SLC24A2: variants seen among roughly 807,000 people sequenced by gnomAD.
SLC24A2 encodes sodium/potassium/calcium exchanger 2.
A neutral mutation model predicts 62.0 loss-of-function variants in SLC24A2; 36 were observed. The ratio of observed to expected loss-of-function variants is 0.58; its 90% CI spans 0.44 to 0.77. The LOEUF is 0.77. Among genes scored for constraint, SLC24A2 ranks in the 30% least tolerant of loss-of-function variants. SLC24A2 has a pLI of 0.00. For synonymous variants in SLC24A2, 358 were observed against 294.0 expected, an observed-to-expected ratio of 1.22 and a Z score of -2.23; for missense variants, 846 against 817.9, an observed-to-expected ratio of 1.03 and a Z score of -0.42.
At chr9:19,933,642 C>T in the SLC24A2 span, among the ~76,000 whole-genome samples, 1 of 152,174 alleles carries the variant, frequency 6.6e-6, no homozygotes, top group South Asian at 2.1e-4. Context: ...AGAAATAAAA[C>T]ACATGTCTGT....
At chr9:20,272,080 A>T in the SLC24A2 span, among the ~76,000 whole-genome samples, 1 of 152,234 alleles carries the variant, frequency 6.6e-6, no homozygotes, top group African/African-American at 2.4e-5. Flanking sequence ...GCAATGCTTC[A>T]GTCCTAAATA....
chr9:19,529,736 G>C (rs1226903732), intron 8 of SLC24A2, among the ~76,000 whole-genome samples: 3 of 150,274 alleles, frequency 2.0e-5, no homozygotes, highest in Non-Finnish European at 4.4e-5. Context: ...TTTTAAAGTG[G>C]AGTTGGAGAC....
At chr9:19,832,325 T>C in the SLC24A2 span, among the ~76,000 whole-genome samples, 3 of 152,222 alleles carry the variant, frequency 2.0e-5, no homozygotes, top group Non-Finnish European at 2.9e-5. Flanking sequence ...TCAGTGAATG[T>C]TATAGTTCTA....
At chr9:20,206,250 C>G in the SLC24A2 span, among the ~76,000 whole-genome samples, 1 of 152,166 alleles carries the variant, frequency 6.6e-6, no homozygotes, top group Non-Finnish European at 1.5e-5. Context: ...CCCATTTTAA[C>G]TACATAACTG....
chr9:20,044,940 C>T, the SLC24A2 span, among the ~76,000 whole-genome samples: 3,512 of 152,054 alleles, frequency 0.023, 102 homozygotes, highest in African/African-American at 0.074. Context: ...TAAGATTTAT[C>T]TGGTATGTGG....
intron 2 of SLC24A2, among the ~76,000 whole-genome samples, chr9:19,783,661 G>C (rs2118937257): frequency 6.6e-6 from 1 of 152,236 alleles, no homozygotes; most frequent in East Asian, 1.9e-4. Context: ...TATGATAAAG[G>C]CTGTAATTAC....
At chr9:19,615,045 C>T (rs1030920383) in intron 4 of SLC24A2, among the ~76,000 whole-genome samples, 8 of 152,136 alleles carry the variant, frequency 5.3e-5, no homozygotes, top group South Asian at 2.1e-4. Context: ...GATAATAAAA[C>T]GCAAACACTG....
the SLC24A2 span, among the ~76,000 whole-genome samples, chr9:19,842,895 T>A: frequency 6.6e-6 from 1 of 152,174 alleles, no homozygotes; most frequent in African/African-American, 2.4e-5. Context: ...CTATAATAAA[T>A]GATTTTATAC....
chr9:20,206,771 G>C, the SLC24A2 span, among the ~76,000 whole-genome samples: 1 of 151,788 alleles, frequency 6.6e-6, no homozygotes, highest in Non-Finnish European at 1.5e-5. Flanking sequence ...GAGCCACTTC[G>C]CCTGGCCGCT....
chr9:20,155,696 A>G, the SLC24A2 span, among the ~76,000 whole-genome samples: 6 of 151,956 alleles, frequency 3.9e-5, no homozygotes, highest in South Asian at 1.2e-3. Context: ...TATAAAGGGC[A>G]TAATTGAAGC....
the SLC24A2 span, among the ~76,000 whole-genome samples, chr9:20,305,456 C>A: frequency 6.6e-6 from 1 of 152,090 alleles, no homozygotes; most frequent in South Asian, 2.1e-4. Context: ...GACTACCTAT[C>A]TGTTAAAGGC....
chr9:19,510,077 CT>C lies in SLC24A2; in HGVS notation c.*6075del, dbSNP rs1832659694. ...TACAGGCCCAGAGTTTTGGAGTAAT[CT>C]AAAGTGGTGTCTCCCCAATTTTGAG... On this transcript the variant is annotated 3_prime_UTR_variant, in exon 11 of 11. Transcript: ENST00000341998. 2 of 152,096 alleles carry C rather than the reference CT, an allele frequency of 1.3e-5. No homozygotes were observed. The highest frequency in any genetic ancestry group is 2.9e-5 in the Non-Finnish European group (2 of 68,024). 9.4% of individuals were successfully genotyped at this position (152,096 alleles called of 1,614,324 possible).
At chr9:20,164,427 C>T in the SLC24A2 span, among the ~76,000 whole-genome samples, 2 of 152,090 alleles carry the variant, frequency 1.3e-5, no homozygotes, top group Non-Finnish European at 1.5e-5. Context: ...ATCAAAACCA[C>T]GATGAGATAC....
intron 2 of SLC24A2, among the ~76,000 whole-genome samples, chr9:19,695,959 GGTCCCC>G: frequency 6.6e-6 from 1 of 152,140 alleles, no homozygotes; most frequent in African/African-American, 2.4e-5. Context: ...TTAAGGCAGG[GGTCCCC>G]AGTCCCTGGG....
At chr9:19,771,095 G>A (rs1420246352) in intron 2 of SLC24A2, among the ~76,000 whole-genome samples, 3 of 152,170 alleles carry the variant, frequency 2.0e-5, no homozygotes, top group Admixed American at 1.3e-4. Context: ...AGCATCATTC[G>A]GTAGTGGCAT....
chr9:20,150,867 C>G, the SLC24A2 span, among the ~76,000 whole-genome samples: 52 of 151,916 alleles, frequency 3.4e-4, no homozygotes, highest in Non-Finnish European at 6.9e-4. Context: ...AAGAGAAGAA[C>G]TGGAATAAAA....
At chr9:19,522,322 A>G (rs1409254850) in intron 9 of SLC24A2, among the ~76,000 whole-genome samples, 1 of 152,112 alleles carries the variant, frequency 6.6e-6, no homozygotes, top group Non-Finnish European at 1.5e-5. Context: ...AAACCTATTC[A>G]TGTTTTGCTG....
At chr9:19,928,590 G>A in the SLC24A2 span, 2 of 152,198 alleles carry the variant, frequency 1.3e-5, no homozygotes, top group Admixed American at 6.5e-5. Context: ...CAGAAGAAAA[G>A]ACCAGTGAGA....
At chr9:19,811,589 C>T in the SLC24A2 span, among the ~76,000 whole-genome samples, 3 of 152,020 alleles carry the variant, frequency 2.0e-5, no homozygotes, top group Non-Finnish European at 4.4e-5. Context: ...TTACAGGCAT[C>T]AGCCACTGTG....
Sources: allele counts gnomAD v4.1 joint callset (sites outside exome capture counted in the v4.1 genomes callset), GRCh38; gene constraint gnomAD v4.1.1; transcripts MANE v1.5; gene names NCBI Gene and HGNC (gene_info 2026-07-23, HGNC 2026-07-21).